The following NOL7 variants were observed in gnomAD, a reference collection of about 807,000 sequenced individuals.
The protein encoded by NOL7 is U3 small nucleolar RNA-associated protein NOL7.
A neutral mutation model predicts 38.4 loss-of-function variants in NOL7; 36 were observed. The observed-to-expected ratio is 0.94, with a 90% CI of 0.72 to 1.24. NOL7 has a LOEUF of 1.24. Ranked by LOEUF, NOL7 falls within the 50% of genes most tolerant of loss-of-function variation. NOL7 has a pLI of 0.00. For synonymous variants in NOL7, 142 were observed against 126.5 expected (o/e 1.12, Z -0.82); for missense variants, 350 against 315.1 (o/e 1.11, Z -0.84).
chr6:13,632,188 C>CCAGTAG (rs1191613348), intron 8 of NOL7, among the ~76,000 whole-genome samples: 6 of 106,502 alleles, frequency 5.6e-5, no homozygotes, highest in African/African-American at 1.8e-4. Flanking sequence ...AATGCTCTTT[C>CCAGTAG]CAGTAGATCA....
chr6:13,626,499 G>A (rs1453755158), downstream of NOL7, among the ~76,000 whole-genome samples: 1 of 152,138 alleles, frequency 6.6e-6, no homozygotes, highest in Non-Finnish European at 1.5e-5. Flanking sequence ...ACTATAAGAG[G>A]CCCTATTTCC....
At chr6:13,616,908 A>G (rs997630951) in intron 3 of NOL7, among the ~76,000 whole-genome samples, 8 of 152,196 alleles carry the variant, frequency 5.3e-5, no homozygotes, top group African/African-American at 1.4e-4. Context: ...CCTGCCACCA[A>G]CCTGTCCTTC....
Position 13,621,564 on chromosome 6 carries a change from A to G in NOL7, c.*737A>G, listed in dbSNP as rs1764446625. Reference sequence around the variant, plus strand: ...TACATTTTATTGCAATATAGTACTCATTTAAGCACTTAAAAATGGAAGGTG... The same window carrying G: ...TACATTTTATTGCAATATAGTACTCGTTTAAGCACTTAAAAATGGAAGGTG... On this transcript the variant is annotated 3_prime_UTR_variant, in exon 8 of 8. Transcript: ENST00000451315. 1 of 152,650 alleles carries G rather than the reference A, an allele frequency of 6.6e-6. No individual in the cohort carries two copies. Among genetic ancestry groups the G allele is most frequent in the Non-Finnish European group, 1.5e-5 (1 of 68,040 alleles). The allele number at this position is 152,650 out of a possible 1,614,324, so 9.5% of individuals were successfully genotyped here. A position where few individuals can be genotyped will look rare whatever the true frequency, so the allele number is the denominator to read the frequency against.
chr6:13,618,133 C>T lies in NOL7; in HGVS notation c.494C>T (p.Ser165Phe). The T allele has an allele frequency of 6.4e-7, 1 of 1,571,294 alleles. No homozygotes were observed. Among genetic ancestry groups the T allele is most frequent in the Non-Finnish European group, 8.7e-7 (1 of 1,142,876 alleles). The part of the protein sequence containing the change: ...SKKVKVQKVQ[S>F]VSQNKSYLAV... ...AAAGTTAAAGTACAAAAAGTACAGTCTGTCAGGTAATGAGTCTTTTGTTTC... is the reference window on the plus strand; with the variant it reads ...AAAGTTAAAGTACAAAAAGTACAGTTTGTCAGGTAATGAGTCTTTTGTTTC... Residue 165 changes from serine (S) to phenylalanine (F), a missense_variant, in exon 5 of 8, where the codon TCT (serine) becomes TTT (phenylalanine). Physicochemically the swap from Ser to Phe is radical, Grantham distance 155 (BLOSUM62 -2). Transcript: ENST00000451315.
intron 3 of NOL7, among the ~76,000 whole-genome samples, chr6:13,617,538 G>A (rs1165391452): frequency 1.3e-5 from 2 of 152,152 alleles, no homozygotes; most frequent in African/African-American, 2.4e-5. Context: ...TTGAAAGCCT[G>A]CTAATAGGCT....
chr6:13,617,448 A>G (rs1442189184), intron 3 of NOL7, among the ~76,000 whole-genome samples: 1 of 152,076 alleles, frequency 6.6e-6, no homozygotes, highest in East Asian at 1.9e-4. Flanking sequence ...ACTCCCATTC[A>G]CTTCATATTT....
At chr6:13,615,918 C>T in intron 2 of NOL7, 146 bp downstream of exon 2, 1 of 873,698 alleles carries the variant, frequency 1.1e-6, no homozygotes, top group Non-Finnish European at 1.7e-6. Context: ...GATGCTCGGG[C>T]CGGGCGCGGC....
chr6:13,629,520 G>C (rs1764716385), intron 8 of NOL7, among the ~76,000 whole-genome samples: 1 of 152,114 alleles, frequency 6.6e-6, no homozygotes, highest in Non-Finnish European at 1.5e-5. Context: ...ATTTAGGTAG[G>C]ATTTTCAAAT....
At position 13,620,772 on chromosome 6, in the gene NOL7, A is replaced by T; in HGVS notation, c.719A>T (p.Asn240Ile). 1 of 1,598,724 alleles carries T rather than the reference A, an allele frequency of 6.3e-7. No homozygotes were observed. The highest frequency in any genetic ancestry group is 8.5e-7 in the Non-Finnish European group (1 of 1,173,902). The change falls in exon 8 of 8, where the codon AAT becomes ATT. Residue 240 changes from asparagine to isoleucine, a missense_variant. Coordinates refer to ENST00000451315, the MANE Select transcript of NOL7 (RefSeq NM_016167.5). ...NNAWGIQKKQ[N>I]AKRFKRRWMV... ...ATTCTAGGAATCCAAAAAAAACAAA[A>T]TGCCAAGAGGTTTAAAAGACGGTGG...
At chr6:13,619,184 A>G (rs1764370941) in intron 5 of NOL7, among the ~76,000 whole-genome samples, 2 of 152,224 alleles carry the variant, frequency 1.3e-5, no homozygotes, top group African/African-American at 4.8e-5. Context: ...AGTCATTCCA[A>G]TGGAAAGGTT....
At chr6:13,631,053 C>T (rs945342155) in intron 8 of NOL7, among the ~76,000 whole-genome samples, 2 of 152,166 alleles carry the variant, frequency 1.3e-5, no homozygotes, top group Admixed American at 1.3e-4. Flanking sequence ...CATGATCCGC[C>T]CGCCTCAGCC....
At chr6:13,623,255 A>T (rs1764505875), downstream of NOL7, among the ~76,000 whole-genome samples, 1 of 152,218 alleles carries the variant, frequency 6.6e-6, no homozygotes, top group South Asian at 2.1e-4. Flanking sequence ...CTTTATGAGA[A>T]GGCAATGTCC....
downstream of NOL7, among the ~76,000 whole-genome samples, chr6:13,626,077 C>T (rs1203658216): frequency 6.6e-6 from 1 of 152,018 alleles, no homozygotes; most frequent in Non-Finnish European, 1.5e-5. Flanking sequence ...GAAGGCAAAA[C>T]ATTCAGATGT....
chr6:13,629,651 C>T (rs1017447419), intron 8 of NOL7, among the ~76,000 whole-genome samples: 1 of 152,114 alleles, frequency 6.6e-6, no homozygotes, highest in African/African-American at 2.4e-5. Flanking sequence ...TCATACTGGA[C>T]TTTCCACAGT....
rs1584896836 is a variant in NOL7 at position 13,615,501 on chromosome 6, C to T, written c.143C>T (p.Pro48Leu). Residue 48 changes from proline to leucine, a missense_variant, in exon 1 of 8, where the codon CCC becomes CTC. Coordinates refer to ENST00000451315, the MANE Select transcript of NOL7 (RefSeq NM_016167.5). ...GQPSSGAAAEPLEEDEEGDDE... is the reference protein window; with the variant it reads ...GQPSSGAAAELLEEDEEGDDE... ...CCCAGCAGCGGCGCGGCCGCCGAGC[C>T]CCTGGAGGAAGACGAGGAAGGGGAC... 1.3e-6 allele frequency: 2 copies of T among 1,553,940 alleles called. No homozygotes were observed. The highest frequency in any genetic ancestry group is 3.9e-5 in the Admixed American group (2 of 51,276).
At chr6:13,629,441 G>C (rs907811029) in intron 8 of NOL7, among the ~76,000 whole-genome samples, 4 of 152,148 alleles carry the variant, frequency 2.6e-5, no homozygotes, top group Non-Finnish European at 5.9e-5. Context: ...GAAATATGTA[G>C]CATTATGGGT....
At chr6:13,620,568 A>G in intron 7 of NOL7, 83 bp downstream of exon 7, 1 of 1,374,526 alleles carries the variant, frequency 7.3e-7, no homozygotes, top group Non-Finnish European at 1.0e-6. Context: ...TCATAATTAT[A>G]CTTTTCCCCC....
downstream of NOL7, among the ~76,000 whole-genome samples, chr6:13,624,677 A>G (rs150024103): frequency 6.6e-6 from 1 of 152,248 alleles, no homozygotes; most frequent in Non-Finnish European, 1.5e-5. Context: ...CAAACGCTAC[A>G]GTGAGCTGCT....
chr6:13,616,856 T>A (rs545308297), intron 3 of NOL7, among the ~76,000 whole-genome samples: 20 of 152,300 alleles, frequency 1.3e-4, no homozygotes, highest in Admixed American at 3.9e-4. Flanking sequence ...CAGGCACTTA[T>A]CCACAGGCTC....
Sources: allele counts gnomAD v4.1 joint callset (sites outside exome capture counted in the v4.1 genomes callset), GRCh38; gene constraint gnomAD v4.1.1; transcripts MANE v1.5; gene names NCBI Gene and HGNC (gene_info 2026-07-23, HGNC 2026-07-21).